The following CTNNA3 variants were observed in gnomAD, a reference collection of about 807,000 sequenced individuals.
CTNNA3 encodes catenin alpha 3.
CTNNA3 carries 76 observed loss-of-function variants against 95.7 expected under a neutral mutation model. That is an observed-to-expected ratio of 0.79 (90% CI 0.66 to 0.96). The LOEUF (loss-of-function observed/expected upper bound fraction) is 0.96. Ranked by LOEUF, CTNNA3 falls within the 40% of genes least tolerant of loss-of-function variation. The pLI is 0.00. For synonymous variants in CTNNA3, 431 were observed against 374.4 expected, an observed-to-expected ratio of 1.15 and a Z score of -1.74; for missense variants, 1,191 against 1,089.8, an observed-to-expected ratio of 1.09 and a Z score of -1.31.
chr10:67,567,459 G>C (rs764475872), intron 3 of CTNNA3, among the ~76,000 whole-genome samples: 1 of 152,022 alleles, frequency 6.6e-6, no homozygotes, highest in Non-Finnish European at 1.5e-5. Context: ...AGAGCGGAGA[G>C]GATAGTGAGA....
At chr10:67,409,797 C>T (rs1845298050) in intron 5 of CTNNA3, among the ~76,000 whole-genome samples, 1 of 152,046 alleles carries the variant, frequency 6.6e-6, no homozygotes, top group East Asian at 1.9e-4. Flanking sequence ...AAATCAAAGC[C>T]ACAATGAGAT....
At chr10:67,726,640 A>C (rs1435489150) in intron 1 of CTNNA3, among the ~76,000 whole-genome samples, 1 of 82,638 alleles carries the variant, frequency 1.2e-5, no homozygotes, top group Non-Finnish European at 2.1e-5. Flanking sequence ...ATTATATATA[A>C]TATATACTAT....
chr10:66,573,454 A>T (rs1314830956), intron 10 of CTNNA3, among the ~76,000 whole-genome samples: 4 of 152,232 alleles, frequency 2.6e-5, no homozygotes, highest in African/African-American at 9.6e-5. Flanking sequence ...TAAAATTAAT[A>T]ACTGTAACAC....
intron 12 of CTNNA3, among the ~76,000 whole-genome samples, chr10:66,293,156 A>C (rs2091714842): frequency 6.6e-6 from 1 of 152,342 alleles, no homozygotes; most frequent in African/African-American, 2.4e-5. Flanking sequence ...CTAAAAATGA[A>C]GAATTGTCCT....
chr10:67,359,554 A>G (rs1448884407), intron 5 of CTNNA3, among the ~76,000 whole-genome samples: 1 of 152,164 alleles, frequency 6.6e-6, no homozygotes, highest in Non-Finnish European at 1.5e-5. Context: ...AACTTATAGA[A>G]TTGAAAATTT....
intron 7 of CTNNA3, among the ~76,000 whole-genome samples, chr10:66,968,943 G>T (rs943892076): frequency 4.6e-5 from 7 of 152,102 alleles, no homozygotes; most frequent in Non-Finnish European, 8.8e-5. Context: ...CTTGAACCCA[G>T]GAAGCGGAGG....
chr10:66,692,307 G>A lies in CTNNA3; in HGVS notation c.1282-70523C>T, dbSNP rs191724936. Among the ~76,000 whole-genome samples the A allele has an allele frequency of 1.2e-4, 18 of 152,274 alleles. No individual in the cohort carries two copies. The East Asian group carries it at 3.1e-3, about 26-fold the overall frequency. On this transcript the variant is annotated intron_variant, in intron 9 of 17. Coordinates refer to ENST00000433211, the MANE Select transcript of CTNNA3 (RefSeq NM_013266.4). ...CTGAAAGCCAAGGCTTGAGAACTACGTGAAGAATGCAGAAGCCTCAGAGCC... is the reference window on the plus strand; with the variant it reads ...CTGAAAGCCAAGGCTTGAGAACTACATGAAGAATGCAGAAGCCTCAGAGCC...
At chr10:65,997,243 G>C (rs10733817) in intron 15 of CTNNA3, among the ~76,000 whole-genome samples, 148,518 of 152,300 alleles carry the variant, frequency 0.98, 72,461 homozygotes, top group East Asian at 1. Context: ...AAAATGTTGA[G>C]AGTATTGCTG....
intron 10 of CTNNA3, among the ~76,000 whole-genome samples, chr10:66,531,621 T>C (rs1209611750): frequency 6.6e-6 from 1 of 152,136 alleles, no homozygotes; most frequent in Non-Finnish European, 1.5e-5. Context: ...TACACAAATA[T>C]ATATACACAC....
chr10:66,205,949 C>T (rs2087727561), intron 13 of CTNNA3, among the ~76,000 whole-genome samples: 1 of 151,860 alleles, frequency 6.6e-6, no homozygotes, highest in Non-Finnish European at 1.5e-5. Context: ...ATGTACAAGG[C>T]ACTGAACTAA....
At chr10:66,697,336 T>C (rs781029781) in intron 9 of CTNNA3, among the ~76,000 whole-genome samples, 1 of 151,168 alleles carries the variant, frequency 6.6e-6, no homozygotes, top group Non-Finnish European at 1.5e-5. Flanking sequence ...GGAAATTGTA[T>C]TGGAGTCTAG....
intron 5 of CTNNA3, among the ~76,000 whole-genome samples, chr10:67,415,198 G>C (rs1051408920): frequency 6.6e-6 from 1 of 152,128 alleles, no homozygotes; most frequent in African/African-American, 2.4e-5. Flanking sequence ...ATTTGAAAAA[G>C]AAAAGAAGAA....
At chr10:66,279,918 T>A (rs1405734947) in intron 13 of CTNNA3, among the ~76,000 whole-genome samples, 1 of 151,992 alleles carries the variant, frequency 6.6e-6, no homozygotes, top group East Asian at 1.9e-4. Context: ...CAAATTGTGC[T>A]CTCACGCCTG....
intron 13 of CTNNA3, among the ~76,000 whole-genome samples, chr10:66,231,688 T>C (rs1053173056): frequency 2.6e-5 from 4 of 152,254 alleles, no homozygotes; most frequent in Non-Finnish European, 4.4e-5. Flanking sequence ...TTTAAATTAA[T>C]AAAGTTACTT....
intron 5 of CTNNA3, among the ~76,000 whole-genome samples, chr10:67,330,027 T>C (rs1301775823): frequency 1.3e-5 from 2 of 152,206 alleles, no homozygotes; most frequent in African/African-American, 2.4e-5. Flanking sequence ...AGTGTGCAGG[T>C]AGACTAACTT....
intron 11 of CTNNA3, among the ~76,000 whole-genome samples, chr10:66,458,934 A>T (rs1323870395): frequency 6.6e-6 from 1 of 152,100 alleles, no homozygotes; most frequent in African/African-American, 2.4e-5. Flanking sequence ...TATTTTGCTC[A>T]CACAGTTGGC....
chr10:66,753,240 A>T (rs1435037378), intron 9 of CTNNA3, among the ~76,000 whole-genome samples: 2 of 151,958 alleles, frequency 1.3e-5, no homozygotes, highest in Non-Finnish European at 2.9e-5. Flanking sequence ...TGTCTGCCTC[A>T]CTCTTTGCTT....
At chr10:66,169,049 T>A (rs2085283928) in intron 13 of CTNNA3, among the ~76,000 whole-genome samples, 1 of 152,174 alleles carries the variant, frequency 6.6e-6, no homozygotes, top group African/African-American at 2.4e-5. Flanking sequence ...ACCAATTAAT[T>A]GTCTATTTTT....
intron 9 of CTNNA3, among the ~76,000 whole-genome samples, chr10:66,691,093 G>A (rs71493988): frequency 0.18 from 27,070 of 152,118 alleles, 3,050 homozygotes; most frequent in East Asian, 0.33. Flanking sequence ...ACTAGGGAGT[G>A]CCAGACAGTG....
Sources: allele counts gnomAD v4.1 joint callset (sites outside exome capture counted in the v4.1 genomes callset), GRCh38; gene constraint gnomAD v4.1.1; transcripts MANE v1.5; gene names NCBI Gene and HGNC (gene_info 2026-07-23, HGNC 2026-07-21).